Variants in GDF5 observed in about 807,000 individuals in gnomAD.
GDF5 encodes growth/differentiation factor 5.
GDF5 carries 17 observed loss-of-function variants against 34.6 expected under a neutral mutation model. That is an observed-to-expected ratio of 0.49 (90% CI 0.34 to 0.74). The LOEUF (loss-of-function observed/expected upper bound fraction) is 0.74. GDF5 is among the 30% of genes least tolerant of loss of function. The pLI is 0.01. For synonymous variants in GDF5, 332 were observed against 290.7 expected (o/e 1.14, Z -1.44); for missense variants, 616 against 661.2 (o/e 0.93, Z 0.75).
chr20:35,434,323 C>G lies in GDF5; in HGVS notation c.1092G>C (p.Gln364His). The stretch of plus-strand genomic sequence containing the variant: ...GGTACTCATACACGGTCTTATCGTC[C>G]TGGCCAGAGCGGGCCTTAATCTCAT... ...FFNEIKARSG[Q>H]DDKTVYEYLF... Residue 364 changes from glutamine to histidine, a missense_variant, in exon 2 of 2, where the codon CAG (glutamine) becomes CAC (histidine). Gln to His is a conservative substitution (Grantham distance 24). Coordinates refer to ENST00000374369, the MANE Select transcript of GDF5 (RefSeq NM_000557.5). The G allele has an allele frequency of 6.2e-7, 1 of 1,614,090 alleles. No individual in the cohort carries two copies. Among genetic ancestry groups the G allele is most frequent in the Non-Finnish European group, 8.5e-7 (1 of 1,180,038 alleles).
chr20:35,443,185 C>T (rs2062503508), upstream of GDF5, among the ~76,000 whole-genome samples: 1 of 152,112 alleles, frequency 6.6e-6, no homozygotes, highest in Non-Finnish European at 1.5e-5. Flanking sequence ...GCCTGGCTCT[C>T]ACTATAAAGG....
chr20:35,433,459 G>A lies in GDF5; in HGVS notation c.*450C>T. 3.1e-6 allele frequency: 1 copy of A among 325,228 alleles called. No homozygotes were observed. The highest frequency in any genetic ancestry group is 2.6e-5 in the South Asian group (1 of 38,256). 20.1% of individuals were successfully genotyped at this position (325,228 alleles called of 1,614,324 possible). ...CCCTCTCCTCTTCTCTCCCACTCTT[G>A]CCCAGTCAGCTTCTCAACTGTCCCA... On this transcript the variant is annotated 3_prime_UTR_variant, in exon 2 of 2. Coordinates refer to ENST00000374369, the MANE Select transcript of GDF5 (RefSeq NM_000557.5).
In GDF5 at chr20:35,434,273, C is replaced by A. The variant is rs1568731539; in HGVS notation, c.1142G>T (p.Arg381Leu). Residue 381 changes from arginine to leucine, a missense_variant, in exon 2 of 2, where the codon CGG (arginine) becomes CTG (leucine). Arg to Leu is a moderately radical substitution (Grantham distance 102). Coordinates refer to ENST00000374369, the MANE Select transcript of GDF5 (RefSeq NM_000557.5). Reference protein sequence around the residue: ...EYLFSQRRKRRAPLATRQGKR... With the variant: ...EYLFSQRRKRLAPLATRQGKR... The stretch of plus-strand genomic sequence containing the variant: ...GCCCTGGCGAGTGGCCAGTGGGGCC[C>A]GCCGTTTTCGCCGCTGGCTGAACAG... The A allele has an allele frequency of 1.2e-6, 2 of 1,614,158 alleles. No individual in the cohort carries two copies. Among genetic ancestry groups the A allele is most frequent in the African/African-American group, 1.3e-5 (1 of 75,050 alleles).
At chr20:35,441,845 C>A (rs927119503), upstream of GDF5, among the ~76,000 whole-genome samples, 1 of 152,088 alleles carries the variant, frequency 6.6e-6, no homozygotes, top group Non-Finnish European at 1.5e-5. Flanking sequence ...ATCTTCATGA[C>A]AATGCTATGA....
In GDF5 at chr20:35,434,200, C is replaced by G. The variant is rs2062457729; in HGVS notation, c.1215G>C (p.Leu405=). The G allele has an allele frequency of 6.2e-7, 1 of 1,614,094 alleles. No homozygotes were observed. Among genetic ancestry groups the G allele is most frequent in the Non-Finnish European group, 8.5e-7 (1 of 1,180,040 alleles). The part of the protein sequence containing the change: ...NLKARCSRKA[L]HVNFKDMGWD... ...AGCCCATGTCCTTGAAGTTGACATG[C>G]AGTGCCTTCCGACTGCAGCGAGCCT... is the stretch of plus-strand genomic sequence containing the variant. Residue 405 remains leucine, a synonymous_variant, in exon 2 of 2, where the codon CTG becomes CTC. Transcript: ENST00000374369.
intron 1 of GDF5, among the ~76,000 whole-genome samples, chr20:35,446,966 G>A (rs1331194040): frequency 2.0e-5 from 3 of 151,832 alleles, no homozygotes; most frequent in Non-Finnish European, 2.9e-5. Flanking sequence ...CCGCAAACCT[G>A]GTTTCTTTTC....
In GDF5 at chr20:35,438,105, G is replaced by A. The variant is rs1293651873; in HGVS notation, c.-177C>T. On this transcript the variant is annotated 5_prime_UTR_variant, in exon 1 of 2. Transcript: ENST00000374369. ...GACTCTTGAAGTCTGCCGGGTGTGT[G>A]TTTGTATCCAGTCCCATAGTGGAAA... The A allele has an allele frequency of 1.1e-5, 8 of 701,216 alleles. No homozygotes were observed. In the African/African-American group the frequency reaches 1.2e-4, roughly 11 times the overall value. 43.4% of individuals were successfully genotyped at this position (701,216 alleles called of 1,614,324 possible).
Position 35,438,125 on chromosome 20 carries a change from T to C in GDF5, c.-197A>G, listed in dbSNP as rs2062483165. On this transcript the variant is annotated 5_prime_UTR_variant, in exon 1 of 2. Coordinates refer to ENST00000374369, the MANE Select transcript of GDF5 (RefSeq NM_000557.5). Reference sequence around the variant, plus strand: ...TGTGTGTTTGTATCCAGTCCCATAGTGGAAATGCTCTCGTATCCAGACGTG... The same window carrying C: ...TGTGTGTTTGTATCCAGTCCCATAGCGGAAATGCTCTCGTATCCAGACGTG... The C allele has an allele frequency of 1.6e-6, 1 of 637,070 alleles. No homozygotes were observed. The highest frequency in any genetic ancestry group is 1.8e-5 in the African/African-American group (1 of 54,608). The allele number at this position is 637,070 out of a possible 1,614,324, so 39.5% of individuals were successfully genotyped here.
chr20:35,448,349 G>A (rs974600199), intron 1 of GDF5, among the ~76,000 whole-genome samples: 49 of 149,790 alleles, frequency 3.3e-4, no homozygotes, highest in Admixed American at 3.1e-3. Flanking sequence ...CAAGCTGGAC[G>A]CGGTGGTGCA....
At chr20:35,444,668 T>C (rs2062508401) in intron 1 of GDF5, among the ~76,000 whole-genome samples, 1 of 152,172 alleles carries the variant, frequency 6.6e-6, no homozygotes, top group African/African-American at 2.4e-5. Context: ...GATCTCAGCT[T>C]ACTGCAACTT....
At chr20:35,441,082 T>C (rs1294393085), upstream of GDF5, 3 of 152,230 alleles carry the variant, frequency 2.0e-5, no homozygotes, top group Non-Finnish European at 4.4e-5. Context: ...ACAACCACAA[T>C]GTCTCTGTAC....
At chr20:35,450,162 G>C (rs1485119543) in intron 1 of GDF5, among the ~76,000 whole-genome samples, 2 of 151,414 alleles carry the variant, frequency 1.3e-5, no homozygotes, top group Non-Finnish European at 2.9e-5. Context: ...AAAAAGCTGG[G>C]TGTGGTGGTG....
At chr20:35,441,225 T>C (rs956431309), upstream of GDF5, 1 of 152,156 alleles carries the variant, frequency 6.6e-6, no homozygotes, top group Non-Finnish European at 1.5e-5. Flanking sequence ...ATAACGATAG[T>C]GCTTACCTCA....
At chr20:35,435,331 G>A (rs1258795715) in intron 1 of GDF5, 3 of 173,870 alleles carry the variant, frequency 1.7e-5, no homozygotes, top group East Asian at 3.1e-4. Flanking sequence ...TGCACATGTA[G>A]TCCCAGCTAC....
At chr20:35,438,824 C>CGTGTGTGTGTGTGTGTGTGTGT (rs57641919), upstream of GDF5, among the ~76,000 whole-genome samples, 17 of 126,486 alleles carry the variant, frequency 1.3e-4, no homozygotes, top group South Asian at 2.8e-4. Context: ...ATTTGTTATG[C>CGTGTGTGTGTGTGTGTGTGTGT]GTGTGTGTGT....
Position 35,434,563 on chromosome 20 carries a change from T to C in GDF5, c.852A>G (p.Pro284=), listed in dbSNP as rs1186706553. 2 of 1,589,872 alleles carry C rather than the reference T, an allele frequency of 1.3e-6. No individual in the cohort carries two copies. Among genetic ancestry groups the C allele is most frequent in the African/African-American group, 2.7e-5 (2 of 73,978 alleles). The change falls in exon 2 of 2, where the codon CCA becomes CCG. Residue 284 remains proline (P), a synonymous_variant. Transcript: ENST00000374369. The stretch of plus-strand genomic sequence containing the variant: ...CCTCCCAGCCAGATCCGTCCAGGCC[T>C]GGCACGGAGCGCACATCCAGCAAGG... ...PAALLDVRSV[P]GLDGSGWEVF...
At chr20:35,438,529 T>C (rs1200314089), upstream of GDF5, among the ~76,000 whole-genome samples, 2 of 152,160 alleles carry the variant, frequency 1.3e-5, no homozygotes. Flanking sequence ...TATATTTATG[T>C]GAAAAAAATC....
rs374749045 is a variant in GDF5, at chr20:35,437,404, C to A, written c.525G>T (p.Ser175=). 9 of 1,613,032 alleles carry A rather than the reference C, an allele frequency of 5.6e-6. No homozygotes were observed. The highest frequency in any genetic ancestry group is 7.6e-6 in the Non-Finnish European group (9 of 1,179,176). The change falls in exon 1 of 2, where the codon TCG becomes TCT. Residue 175 remains serine, a synonymous_variant. Transcript: ENST00000374369. The part of the protein sequence containing the change: ...PPITPHEYML[S]LYRTLSDADR... ...CAGCATCGGACAGCGTCCTGTACAG[C>A]GAGAGCATGTACTCGTGGGGTGTGA...
In GDF5 at chr20:35,446,305, C is replaced by T. The variant is rs559147676; in HGVS notation, c.-397-4918G>A. ...AGCCTGGGCAACAAGAGCGAAACTC[C>T]GTCTCAAAAACAACAACAAAAAAAA... On this transcript the variant is annotated intron_variant, in intron 1 of 3. Coordinates refer to the GDF5 transcript ENST00000374372. Among the ~76,000 whole-genome samples, 34 of 151,852 alleles carry T rather than the reference C, an allele frequency of 2.2e-4. 1 individual carries two copies. The highest frequency in any genetic ancestry group is 7.7e-4 in the African/African-American group (32 of 41,392).
Sources: allele counts gnomAD v4.1 joint callset (sites outside exome capture counted in the v4.1 genomes callset), GRCh38; gene constraint gnomAD v4.1.1; transcripts MANE v1.5; gene names NCBI Gene and HGNC (gene_info 2026-07-23, HGNC 2026-07-21).